Variants in CEP89 observed in about 807,000 individuals in gnomAD.
The protein encoded by CEP89 is centrosomal protein 89.
In CEP89, 95 loss-of-function variants were observed where a neutral mutation model predicts 97.6. The observed-to-expected ratio is 0.97, with a 90% CI of 0.82 to 1.15. The LOEUF (loss-of-function observed/expected upper bound fraction) is 1.15. CEP89 is among the 50% of genes most tolerant of loss of function. The pLI is 0.00. For synonymous variants in CEP89, 354 were observed against 349.1 expected, an observed-to-expected ratio of 1.01 and a Z score of -0.16; for missense variants, 869 against 947.7, an observed-to-expected ratio of 0.92 and a Z score of 1.09.
At chr19:32,960,874 C>T (rs1971153065) in intron 2 of CEP89, among the ~76,000 whole-genome samples, 1 of 151,908 alleles carries the variant, frequency 6.6e-6, no homozygotes, top group African/African-American at 2.4e-5. Context: ...GGAAAATTTC[C>T]AGGTCACAGC....
chr19:32,931,241 GC>G (rs1192323508), intron 9 of CEP89, 187 bp downstream of exon 9: 36 of 566,326 alleles, frequency 6.4e-5, no homozygotes, highest in Non-Finnish European at 1.5e-5. Context: ...AGTCTTTATT[GC>G]CTTTATTACG....
At position 32,915,418 on chromosome 19, in the gene CEP89, G is replaced by T; in HGVS notation, c.1484C>A (p.Ala495Asp). The change falls in exon 14 of 19, where the codon GCC becomes GAC. Residue 495 changes from alanine to aspartate, a missense_variant. Coordinates refer to ENST00000305768, the MANE Select transcript of CEP89 (RefSeq NM_032816.5). ...ENREQLEILR[A>D]KCQELKTHSD... The stretch of plus-strand genomic sequence containing the variant: ...GTGTGTTTTGAGTTCTTGGCATTTG[G>T]CACGTAAAATCTCCAGCTGTTCCCT... The T allele has an allele frequency of 1.2e-6, 2 of 1,613,792 alleles. No homozygotes were observed. Among genetic ancestry groups the T allele is most frequent in the Non-Finnish European group, 1.7e-6 (2 of 1,179,922 alleles).
intron 4 of CEP89, among the ~76,000 whole-genome samples, chr19:32,952,482 T>TAA (rs34775796): frequency 7.0e-6 from 1 of 141,946 alleles, no homozygotes. Flanking sequence ...CATCTCAATT[T>TAA]AAAAAAAAAA....
intron 7 of CEP89, 159 bp downstream of exon 7, chr19:32,937,472 C>A: frequency 1.5e-6 from 1 of 653,730 alleles, no homozygotes; most frequent in Non-Finnish European, 2.7e-6. Flanking sequence ...GGACATACGT[C>A]CACTACCTAG....
chr19:32,965,503 C>G (rs548047942), intron 2 of CEP89, among the ~76,000 whole-genome samples: 3 of 151,742 alleles, frequency 2.0e-5, no homozygotes, highest in African/African-American at 7.3e-5. Flanking sequence ...GGATTTCAGC[C>G]TGGGAAACAT....
chr19:32,901,896 A>G (rs1969779821), intron 14 of CEP89, among the ~76,000 whole-genome samples: 1 of 152,148 alleles, frequency 6.6e-6, no homozygotes, highest in South Asian at 2.1e-4. Context: ...AAGAGCTCGG[A>G]TTACAGGCAT....
chr19:32,947,157 T>A (rs1970814546), intron 5 of CEP89, among the ~76,000 whole-genome samples: 1 of 152,186 alleles, frequency 6.6e-6, no homozygotes, highest in African/African-American at 2.4e-5. Context: ...GTTGTCCACT[T>A]GATGCCTGGC....
At chr19:32,928,861 G>T (rs542774387) in intron 9 of CEP89, among the ~76,000 whole-genome samples, 2 of 152,284 alleles carry the variant, frequency 1.3e-5, no homozygotes, top group African/African-American at 4.8e-5. Flanking sequence ...CCTGCTCTGT[G>T]ATCTGAGACT....
At chr19:32,961,708 A>G (rs1473643851) in intron 2 of CEP89, among the ~76,000 whole-genome samples, 1 of 151,996 alleles carries the variant, frequency 6.6e-6, no homozygotes, top group African/African-American at 2.4e-5. Context: ...CAGTGGCGCA[A>G]TCACAGCTCA....
intron 2 of CEP89, among the ~76,000 whole-genome samples, chr19:32,965,347 G>A (rs1259211171): frequency 6.6e-6 from 1 of 152,110 alleles, no homozygotes; most frequent in African/African-American, 2.4e-5. Flanking sequence ...GCTGCAGTGA[G>A]TCACGTTCGC....
chr19:32,933,954 C>T (rs1464723712), intron 7 of CEP89, among the ~76,000 whole-genome samples: 2 of 152,146 alleles, frequency 1.3e-5, no homozygotes, highest in African/African-American at 2.4e-5. Flanking sequence ...CAGCAGGAGC[C>T]AGCAGGGCTT....
At chr19:32,956,149 G>A (rs9676357) in intron 3 of CEP89, among the ~76,000 whole-genome samples, 55,330 of 143,742 alleles carry the variant, frequency 0.38, 10,460 homozygotes, top group Admixed American at 0.51. Context: ...TCCACCTCCC[G>A]GGTTCACGCC....
In CEP89 at chr19:32,948,319, T is replaced by C. The variant is rs1970840300; in HGVS notation, c.542A>G (p.His181Arg). 1.2e-6 allele frequency: 2 copies of C among 1,612,114 alleles called. No homozygotes were observed. The highest frequency in any genetic ancestry group is 8.5e-7 in the Non-Finnish European group (1 of 1,179,226). The change falls in exon 5 of 19, where the codon CAT becomes CGT. Residue 181 changes from histidine (H) to arginine (R), a missense_variant. Physicochemically the swap from His to Arg is conservative, Grantham distance 29. Coordinates refer to ENST00000305768, the MANE Select transcript of CEP89 (RefSeq NM_032816.5). ...VNSEDDENISHQDGFPGSPPA... is the reference protein window; with the variant it reads ...VNSEDDENISRQDGFPGSPPA... ...AGGGGAGCCTGGAAACCCATCTTGA[T>C]GAGAAATATTTTCATCGTCTTCACT...
chr19:32,969,693 C>G (rs1484992210), intron 1 of CEP89: 1 of 152,380 alleles, frequency 6.6e-6, no homozygotes, highest in Non-Finnish European at 1.5e-5. Context: ...GCTCCCACCC[C>G]GCCAACTTGG....
chr19:32,951,528 T>TACACACAC (rs1367738672), intron 4 of CEP89, among the ~76,000 whole-genome samples: 2 of 94,246 alleles, frequency 2.1e-5, no homozygotes, highest in African/African-American at 9.5e-5. Context: ...TATATATATA[T>TACACACAC]ATATATACAC....
At chr19:32,891,361 A>C (rs144270023) in intron 16 of CEP89, among the ~76,000 whole-genome samples, 285 of 152,240 alleles carry the variant, frequency 1.9e-3, no homozygotes, top group African/African-American at 6.5e-3. Context: ...ACAAACACAC[A>C]CACACACACA....
chr19:32,915,191 G>T, intron 14 of CEP89, 146 bp downstream of exon 14: 1 of 674,262 alleles, frequency 1.5e-6, no homozygotes, highest in Non-Finnish European at 2.4e-6. Flanking sequence ...GGGCGCAGTG[G>T]CTCATGCCTG....
intron 16 of CEP89, among the ~76,000 whole-genome samples, chr19:32,891,028 T>G (rs1969504962): frequency 6.6e-6 from 1 of 152,110 alleles, no homozygotes; most frequent in Non-Finnish European, 1.5e-5. Context: ...TCCCCAGCAC[T>G]CTACCCTACA....
At chr19:32,966,225 C>T (rs1038446670) in intron 2 of CEP89, 135 bp downstream of exon 2, 8 of 428,558 alleles carry the variant, frequency 1.9e-5, no homozygotes, top group Non-Finnish European at 3.4e-5. Flanking sequence ...ATTATGGAAT[C>T]GTGGTAAACA....
Sources: gnomAD v4.1 joint callset for allele counts (sites outside exome capture counted in the v4.1 genomes callset) on GRCh38, gnomAD v4.1.1 for gene constraint, MANE v1.5 for transcripts, NCBI Gene and HGNC (gene_info 2026-07-23, HGNC 2026-07-21) for gene names.